MYRIP: variants seen among roughly 807,000 people sequenced by gnomAD.
The protein encoded by MYRIP is myosin VIIA and Rab interacting protein.
A neutral mutation model predicts 98.0 loss-of-function variants in MYRIP; 49 were observed. That is an observed-to-expected ratio of 0.50 (90% CI 0.40 to 0.63). MYRIP has a LOEUF of 0.63. MYRIP is among the 30% of genes least tolerant of loss of function. The pLI, the probability that MYRIP is intolerant of heterozygous loss-of-function variation, is 0.00. For missense variants in MYRIP, 1,004 were observed against 1,058.2 expected (o/e 0.95, Z 0.71); for synonymous variants, 404 against 409.5 (o/e 0.99, Z 0.16).
At chr3:40,184,009 T>G (rs1016490407) in intron 9 of MYRIP, among the ~76,000 whole-genome samples, 3 of 152,244 alleles carry the variant, frequency 2.0e-5, no homozygotes, top group Non-Finnish European at 2.9e-5. Context: ...TACCTATTAG[T>G]AGAAACTGCA....
rs72866564 is a variant in MYRIP, at chr3:39,818,541, T to A, written c.-31+8625T>A. 1.5e-3 allele frequency among the ~76,000 whole-genome samples: 234 copies of A among 152,324 alleles called. 1 individual carries two copies. The highest frequency in any genetic ancestry group is 5.5e-3 in the African/African-American group (228 of 41,574). ...GGTGTTTTTGAAAGAATAGTTAAGT[T>A]GTTTTACCCAGATCATGTTCATATT... On this transcript the variant is annotated intron_variant, in intron 1 of 16. Transcript: ENST00000302541.
intron 1 of MYRIP, among the ~76,000 whole-genome samples, chr3:39,888,588 C>T (rs964976876): frequency 6.6e-6 from 1 of 152,094 alleles, no homozygotes; most frequent in Non-Finnish European, 1.5e-5. Context: ...AGAAGAAAAC[C>T]TAGGCTTTAC....
chr3:40,234,038 T>C lies in MYRIP; in HGVS notation c.2085T>C (p.Thr695=). ...AAGTGAGACTGGATGAGCAGCTGAC[T>C]TCCCTGGAAGAAAATGTAAGAGGGT... ...TDQVRLDEQL[T]SLEENVYLAA... is the part of the protein sequence containing the mutation. Residue 695 remains threonine, a synonymous_variant, in exon 12 of 17, where the codon ACT becomes ACC. Transcript: ENST00000302541. The C allele has an allele frequency of 3.7e-6, 6 of 1,603,336 alleles. No individual in the cohort carries two copies.
chr3:39,959,109 G>A (rs1299544307), intron 2 of MYRIP, among the ~76,000 whole-genome samples: 3 of 152,332 alleles, frequency 2.0e-5, no homozygotes, highest in Middle Eastern at 6.8e-3. Flanking sequence ...CATTGTGGAA[G>A]ACAGTGTGGC....
At chr3:40,160,881 C>A (rs1950376553) in intron 4 of MYRIP, among the ~76,000 whole-genome samples, 1 of 152,166 alleles carries the variant, frequency 6.6e-6, no homozygotes, top group African/African-American at 2.4e-5. Context: ...TGCGCACACC[C>A]ACTGACCTGT....
intron 1 of MYRIP, among the ~76,000 whole-genome samples, chr3:39,864,412 C>T (rs1942562162): frequency 6.6e-6 from 1 of 152,080 alleles, no homozygotes; most frequent in Non-Finnish European, 1.5e-5. Context: ...AGTCTCTGCC[C>T]AAAAGCTCCT....
At chr3:40,018,666 C>G (rs1448521230) in intron 2 of MYRIP, among the ~76,000 whole-genome samples, 1 of 152,158 alleles carries the variant, frequency 6.6e-6, no homozygotes, top group Admixed American at 6.6e-5. Context: ...CCAGACTTTG[C>G]CAGCATTGGC....
intron 11 of MYRIP, among the ~76,000 whole-genome samples, chr3:40,213,922 G>T (rs1433647830): frequency 6.6e-6 from 1 of 152,124 alleles, no homozygotes; most frequent in African/African-American, 2.4e-5. Context: ...TGACTCTGAG[G>T]CTTGAGCCAT....
chr3:39,973,548 G>A lies in MYRIP; in HGVS notation c.111-70502G>A, dbSNP rs903966155. 1.7e-4 allele frequency among the ~76,000 whole-genome samples: 26 copies of A among 152,066 alleles called. No homozygotes were observed. In the East Asian group the frequency reaches 2.3e-3, roughly 14 times the overall value. On this transcript the variant is annotated intron_variant, in intron 2 of 16. Coordinates refer to ENST00000302541, the MANE Select transcript of MYRIP (RefSeq NM_015460.4). ...AACTGAACTCAGCTCTGCACCAAGC[G>A]GACCTAGTAGACATCTACAGAACTC...
chr3:40,155,686 A>C (rs1950218578), intron 4 of MYRIP, among the ~76,000 whole-genome samples: 1 of 151,736 alleles, frequency 6.6e-6, no homozygotes. Context: ...TTGCCATTCT[A>C]ACTGGTGTGA....
At chr3:39,973,675 A>G (rs1361109934) in intron 2 of MYRIP, among the ~76,000 whole-genome samples, 10 of 135,670 alleles carry the variant, frequency 7.4e-5, no homozygotes, top group Admixed American at 4.3e-4. Context: ...CAGCAAATGT[A>G]AAAGAAGAGA....
intron 2 of MYRIP, among the ~76,000 whole-genome samples, chr3:40,011,597 CTTG>C (rs1946760582): frequency 1.3e-5 from 2 of 152,208 alleles, no homozygotes; most frequent in African/African-American, 4.8e-5. Flanking sequence ...AGACACCTGC[CTTG>C]TTGTGATTAA....
At chr3:40,164,430 A>G (rs550348550) in intron 5 of MYRIP, among the ~76,000 whole-genome samples, 2 of 152,350 alleles carry the variant, frequency 1.3e-5, no homozygotes, top group Admixed American at 1.3e-4. Context: ...TTCAGCCTTC[A>G]GGCTGAATTT....
At chr3:40,144,017 C>T (rs1949962612) in intron 3 of MYRIP, among the ~76,000 whole-genome samples, 1 of 152,140 alleles carries the variant, frequency 6.6e-6, no homozygotes, top group Admixed American at 6.5e-5. Context: ...GAATGGAGAA[C>T]TCATCCGATG....
chr3:39,917,745 C>T (rs748080213), intron 2 of MYRIP, among the ~76,000 whole-genome samples: 4 of 136,100 alleles, frequency 2.9e-5, no homozygotes, highest in Non-Finnish European at 6.4e-5. Context: ...AAGTCTGTTA[C>T]ATCTGTAGCA....
At chr3:40,170,328 T>C (rs1225816162) in intron 8 of MYRIP, among the ~76,000 whole-genome samples, 1 of 152,166 alleles carries the variant, frequency 6.6e-6, no homozygotes, top group Non-Finnish European at 1.5e-5. Flanking sequence ...CAGAGACCAA[T>C]TTAGGAAAAA....
At chr3:39,905,418 C>G (rs1329095344) in intron 2 of MYRIP, among the ~76,000 whole-genome samples, 1 of 152,094 alleles carries the variant, frequency 6.6e-6, no homozygotes, top group African/African-American at 2.4e-5. Context: ...TTATATTACC[C>G]TTGTCTTTTG....
At position 40,226,770 on chromosome 3, in the gene MYRIP, A is replaced by C. The variant is rs988594092; in HGVS notation, c.1906-7089A>C. Among the ~76,000 whole-genome samples the C allele has an allele frequency of 2.0e-5, 3 of 152,356 alleles. No individual in the cohort carries two copies. In the South Asian group the frequency reaches 6.2e-4, roughly 32 times the overall value. ...AAATGATGCACTTATCCCAGAGCCT[A>C]GCACACAGTGAGCACTCAGTGAGTT... On this transcript the variant is annotated intron_variant, in intron 11 of 16. Transcript: ENST00000302541.
Position 40,218,613 on chromosome 3 carries a change from TATATATATATA to T in MYRIP, c.1905+8521_1905+8531del, listed in dbSNP as rs1266600817. Among the ~76,000 whole-genome samples the T allele has an allele frequency of 2.6e-3, 43 of 16,248 alleles. 2 individuals are homozygous for T. Among genetic ancestry groups the T allele is most frequent in the African/African-American group, 4.1e-3 (43 of 10,496 alleles). The allele number at this position is 16,248 out of a possible 152,430, so 10.7% of individuals were successfully genotyped here. ...CACACACACACATATATATATATTT[TATATATATATA>T]TATATATATATATATATATATATAT... On this transcript the variant is annotated intron_variant, in intron 11 of 16. Coordinates refer to ENST00000302541, the MANE Select transcript of MYRIP (RefSeq NM_015460.4).
Sources: allele counts gnomAD v4.1 joint callset (sites outside exome capture counted in the v4.1 genomes callset), GRCh38; gene constraint gnomAD v4.1.1; transcripts MANE v1.5; gene names NCBI Gene and HGNC (gene_info 2026-07-23, HGNC 2026-07-21).